Variants in CNTN3 observed in about 807,000 individuals in gnomAD.
The protein encoded by CNTN3 is contactin-3.
CNTN3 carries 60 observed loss-of-function variants against 119.1 expected under a neutral mutation model. That is an observed-to-expected ratio of 0.50 (90% CI 0.41 to 0.62). The LOEUF (loss-of-function observed/expected upper bound fraction) is 0.62. CNTN3 is among the 20% of genes least tolerant of loss of function. The probability of loss-of-function intolerance (pLI) is 0.00; values close to 1 mark genes in which losing one functional copy is unlikely to be tolerated. For missense variants in CNTN3, 1,101 were observed against 1,242.4 expected, an observed-to-expected ratio of 0.89 and a Z score of 1.71; for synonymous variants, 450 against 438.7, an observed-to-expected ratio of 1.03 and a Z score of -0.32.
chr3:74,354,472 T>G (rs780953022), intron 11 of CNTN3, among the ~76,000 whole-genome samples: 1 of 152,146 alleles, frequency 6.6e-6, no homozygotes, highest in Non-Finnish European at 1.5e-5. Context: ...AAGGGTCTTT[T>G]TCAATGTTAG....
chr3:74,540,279 G>C (rs1703824273), intron 1 of CNTN3, among the ~76,000 whole-genome samples: 1 of 152,106 alleles, frequency 6.6e-6, no homozygotes. Flanking sequence ...ATAGGTGTAA[G>C]GAACAGTTTT....
chr3:74,348,234 A>G (rs1050168585), intron 11 of CNTN3, among the ~76,000 whole-genome samples: 2 of 152,226 alleles, frequency 1.3e-5, no homozygotes, highest in South Asian at 2.1e-4. Flanking sequence ...GATAGATATG[A>G]TATGATAATT....
At chr3:74,339,616 C>T (rs747174793) in intron 11 of CNTN3, among the ~76,000 whole-genome samples, 3 of 152,052 alleles carry the variant, frequency 2.0e-5, no homozygotes, top group Non-Finnish European at 2.9e-5. Flanking sequence ...TCCTCCAGTA[C>T]ACTGTAGGCT....
chr3:74,552,637 C>T (rs918694387), intron 1 of CNTN3, among the ~76,000 whole-genome samples: 1 of 152,154 alleles, frequency 6.6e-6, no homozygotes, highest in Non-Finnish European at 1.5e-5. Context: ...CTCTGTGTCC[C>T]TACCGAAATC....
rs143256450 is a variant in CNTN3 at position 74,563,298 on chromosome 3, C to T, written c.-80-42106G>A. 9.2e-5 allele frequency among the ~76,000 whole-genome samples: 14 copies of T among 152,186 alleles called. No individual in the cohort carries two copies. In the East Asian group the frequency reaches 1.7e-3, roughly 19 times the overall value. ...GGGGGAAAATGCTACATTAGCTCTT[C>T]GCATTGTGGAAGCTAAAACACAGAC... is the stretch of plus-strand genomic sequence containing the variant. On this transcript the variant is annotated intron_variant, in intron 1 of 22. Coordinates refer to ENST00000263665, the MANE Select transcript of CNTN3 (RefSeq NM_020872.3).
At chr3:74,342,469 C>T (rs1703571906) in intron 11 of CNTN3, among the ~76,000 whole-genome samples, 1 of 152,156 alleles carries the variant, frequency 6.6e-6, no homozygotes, top group South Asian at 2.1e-4. Context: ...ATTAACCTAA[C>T]TTTGAGTAAG....
intron 13 of CNTN3, among the ~76,000 whole-genome samples, chr3:74,321,997 C>T (rs1339388140): frequency 1.3e-5 from 2 of 151,904 alleles, no homozygotes; most frequent in East Asian, 1.9e-4. Flanking sequence ...ATCAGACTGG[C>T]CAACATGGTG....
At chr3:74,504,514 C>T (rs1469238182) in intron 2 of CNTN3, among the ~76,000 whole-genome samples, 1 of 152,102 alleles carries the variant, frequency 6.6e-6, no homozygotes, top group East Asian at 1.9e-4. Flanking sequence ...TAGTTTAAAG[C>T]TGGAAAATGC....
intron 4 of CNTN3, among the ~76,000 whole-genome samples, chr3:74,448,766 G>A (rs1415002109): frequency 6.6e-6 from 1 of 152,040 alleles, no homozygotes; most frequent in Non-Finnish European, 1.5e-5. Context: ...TGCCCTCAGA[G>A]TCTACCAGAA....
chr3:74,470,205 G>T (rs1171966637), intron 4 of CNTN3, among the ~76,000 whole-genome samples: 1 of 152,036 alleles, frequency 6.6e-6, no homozygotes, highest in African/African-American at 2.4e-5. Flanking sequence ...ATGGAGAGAT[G>T]GCTAATGGGC....
chr3:74,476,280 T>C (rs529112269), intron 4 of CNTN3, among the ~76,000 whole-genome samples: 4 of 152,306 alleles, frequency 2.6e-5, no homozygotes, highest in African/African-American at 9.6e-5. Flanking sequence ...TCAGTATTCA[T>C]TAATTCAGTG....
At chr3:74,391,318 C>T (rs1704894656) in intron 5 of CNTN3, among the ~76,000 whole-genome samples, 1 of 151,982 alleles carries the variant, frequency 6.6e-6, no homozygotes, top group Non-Finnish European at 1.5e-5. Flanking sequence ...TGCTGGGGGA[C>T]AGTATAGGAA....
intron 1 of CNTN3, among the ~76,000 whole-genome samples, chr3:74,523,932 C>T (rs1366070489): frequency 1.3e-5 from 2 of 151,864 alleles, no homozygotes; most frequent in African/African-American, 2.4e-5. Context: ...TCACAGGAGG[C>T]TTTCAAGCAA....
chr3:74,267,658 G>A, intron 20 of CNTN3: 1 of 320,584 alleles, frequency 3.1e-6, no homozygotes, highest in Non-Finnish European at 5.9e-6. Flanking sequence ...TCCCAAAAAA[G>A]GCATTTCAAT....
chr3:74,305,217 T>C (rs765649383), intron 13 of CNTN3, among the ~76,000 whole-genome samples: 6 of 152,200 alleles, frequency 3.9e-5, no homozygotes, highest in Non-Finnish European at 8.8e-5. Context: ...TCACATGGCA[T>C]ATGCCATGTG....
At chr3:74,328,287 T>G (rs1703177892) in intron 13 of CNTN3, among the ~76,000 whole-genome samples, 1 of 152,128 alleles carries the variant, frequency 6.6e-6, no homozygotes. Flanking sequence ...TAATCATACA[T>G]TATTTGAGGT....
At chr3:74,482,956 T>C (rs1702788836) in intron 4 of CNTN3, among the ~76,000 whole-genome samples, 1 of 151,634 alleles carries the variant, frequency 6.6e-6, no homozygotes, top group Non-Finnish European at 1.5e-5. Context: ...TCTTTTCTCA[T>C]CTTCTTTGGT....
At chr3:74,612,743 C>G (rs558030636) in intron 1 of CNTN3, among the ~76,000 whole-genome samples, 1 of 152,274 alleles carries the variant, frequency 6.6e-6, no homozygotes, top group South Asian at 2.1e-4. Flanking sequence ...CATGTTTACT[C>G]TCAACTAATT....
chr3:74,463,135 T>G (rs1702402402), intron 4 of CNTN3, among the ~76,000 whole-genome samples: 1 of 152,158 alleles, frequency 6.6e-6, no homozygotes, highest in Non-Finnish European at 1.5e-5. Flanking sequence ...ATCTAATCGT[T>G]GGTTCAATGA....
Sources: allele counts gnomAD v4.1 joint callset (sites outside exome capture counted in the v4.1 genomes callset), GRCh38; gene constraint gnomAD v4.1.1; transcripts MANE v1.5; gene names NCBI Gene and HGNC (gene_info 2026-07-23, HGNC 2026-07-21).